Variants in CDH13 observed in about 807,000 individuals in gnomAD.
CDH13 encodes cadherin 13.
In CDH13, 24 loss-of-function variants were observed where a neutral mutation model predicts 63.8. The observed-to-expected ratio is 0.38, with a 90% CI of 0.27 to 0.53. The LOEUF (loss-of-function observed/expected upper bound fraction) is 0.53, where lower values mean the gene tolerates loss of function less well. CDH13 is among the 20% of genes least tolerant of loss of function. CDH13 has a pLI of 0.85. For synonymous variants in CDH13, 503 were observed against 355.3 expected, an observed-to-expected ratio of 1.42 and a Z score of -4.67; for missense variants, 1,049 against 903.1, an observed-to-expected ratio of 1.16 and a Z score of -2.07.
intron 4 of CDH13, among the ~76,000 whole-genome samples, chr16:83,198,199 A>G (rs185953063): frequency 9.3e-5 from 14 of 150,226 alleles, no homozygotes; most frequent in Admixed American, 2.0e-4. Flanking sequence ...ACCTGGTTTT[A>G]AAAAAAAAAT....
intron 1 of CDH13, among the ~76,000 whole-genome samples, chr16:82,784,181 T>C (rs1199367056): frequency 6.6e-6 from 1 of 152,218 alleles, no homozygotes; most frequent in African/African-American, 2.4e-5. Flanking sequence ...CTAGTGGGTG[T>C]TTCTTCTATG....
chr16:83,130,964 C>A (rs934620475), intron 4 of CDH13, among the ~76,000 whole-genome samples: 2 of 152,184 alleles, frequency 1.3e-5, no homozygotes, highest in African/African-American at 4.8e-5. Context: ...TGAATACCCA[C>A]AGCAGGGTTA....
chr16:82,692,878 C>T (rs1035401313), intron 1 of CDH13, among the ~76,000 whole-genome samples: 11 of 152,200 alleles, frequency 7.2e-5, no homozygotes, highest in African/African-American at 2.2e-4. Context: ...CTGGTCTTCA[C>T]GGCCTCAGGT....
intron 1 of CDH13, among the ~76,000 whole-genome samples, chr16:82,730,823 C>T (rs1282592603): frequency 6.6e-6 from 1 of 152,020 alleles, no homozygotes; most frequent in Non-Finnish European, 1.5e-5. Flanking sequence ...TCAGTCCAGC[C>T]CAGATTTGTT....
intron 8 of CDH13, among the ~76,000 whole-genome samples, chr16:83,651,514 C>G (rs1356290407): frequency 6.7e-6 from 1 of 150,372 alleles, no homozygotes; most frequent in African/African-American, 2.4e-5. Context: ...TGCCAAAAGT[C>G]ACAAAGATAA....
At chr16:83,310,003 C>T (rs571365494) in intron 5 of CDH13, among the ~76,000 whole-genome samples, 7 of 152,224 alleles carry the variant, frequency 4.6e-5, no homozygotes, top group African/African-American at 1.7e-4. Context: ...TACAAAAGTT[C>T]CGCACAATAT....
intron 1 of CDH13, among the ~76,000 whole-genome samples, chr16:82,646,637 G>C (rs80339467): frequency 0.12 from 18,040 of 152,166 alleles, 1,111 homozygotes; most frequent in African/African-American, 0.14. Context: ...TCTATGAAGT[G>C]TGGGTTGTGA....
intron 1 of CDH13, among the ~76,000 whole-genome samples, chr16:82,669,438 C>G (rs552538740): frequency 2.0e-5 from 3 of 152,278 alleles, no homozygotes; most frequent in African/African-American, 7.2e-5. Flanking sequence ...TTAGGACTTA[C>G]CCATTGAGCC....
chr16:83,091,688 A>C (rs2033920209), intron 3 of CDH13, among the ~76,000 whole-genome samples: 1 of 152,250 alleles, frequency 6.6e-6, no homozygotes, highest in Non-Finnish European at 1.5e-5. Context: ...ATAAGGTTAT[A>C]GTGAAAAATA....
rs529972884 is a variant in CDH13 at position 83,790,358 on chromosome 16, A to C, written c.2135-4665A>C. 9.2e-4 allele frequency among the ~76,000 whole-genome samples: 140 copies of C among 152,314 alleles called. 1 individual carries two copies. Among genetic ancestry groups the C allele is most frequent in the African/African-American group, 3.1e-3 (127 of 41,566 alleles). On this transcript the variant is annotated intron_variant, in intron 13 of 13. Transcript: ENST00000567109. ...AAAACTACTGATATTGAAAGTAATA[A>C]AAAATGAAAATGAAATGATTTTTAC...
At chr16:82,686,899 G>T (rs1222262070) in intron 1 of CDH13, among the ~76,000 whole-genome samples, 2 of 152,156 alleles carry the variant, frequency 1.3e-5, no homozygotes, top group Non-Finnish European at 2.9e-5. Context: ...ATTCTTCCTT[G>T]GATCTCTCTT....
At chr16:83,115,008 C>G (rs1285687100) in intron 3 of CDH13, among the ~76,000 whole-genome samples, 3 of 152,160 alleles carry the variant, frequency 2.0e-5, no homozygotes, top group African/African-American at 7.2e-5. Flanking sequence ...ATAGGTAGCT[C>G]CTTTTAGCCA....
At chr16:83,702,477 C>G (rs1598515470) in intron 10 of CDH13, among the ~76,000 whole-genome samples, 1 of 152,052 alleles carries the variant, frequency 6.6e-6, no homozygotes, top group Non-Finnish European at 1.5e-5. Flanking sequence ...AAAGAGAGAG[C>G]AAGGAGGGTC....
intron 8 of CDH13, among the ~76,000 whole-genome samples, chr16:83,644,521 A>G (rs772428323): frequency 6.6e-6 from 1 of 152,254 alleles, no homozygotes; most frequent in Non-Finnish European, 1.5e-5. Context: ...TGAGCACTTT[A>G]CATTGCAGTT....
chr16:83,130,179 A>C (rs192517724), intron 4 of CDH13, among the ~76,000 whole-genome samples: 1 of 152,262 alleles, frequency 6.6e-6, no homozygotes, highest in Non-Finnish European at 1.5e-5. Flanking sequence ...TTATTTGTCC[A>C]GCACTGTGCT....
intron 10 of CDH13, among the ~76,000 whole-genome samples, chr16:83,687,413 C>T (rs751302173): frequency 2.0e-5 from 3 of 152,102 alleles, no homozygotes; most frequent in Non-Finnish European, 4.4e-5. Flanking sequence ...AAACAGGGAG[C>T]CAGCACTTCA....
At chr16:83,000,010 T>A (rs1035508023) in intron 2 of CDH13, among the ~76,000 whole-genome samples, 1 of 151,978 alleles carries the variant, frequency 6.6e-6, no homozygotes, top group Admixed American at 6.6e-5. Context: ...TTGCAATGCT[T>A]AAGACATCCA....
intron 1 of CDH13, among the ~76,000 whole-genome samples, chr16:82,740,766 C>A (rs1186441161): frequency 6.6e-6 from 1 of 152,208 alleles, no homozygotes; most frequent in African/African-American, 2.4e-5. Context: ...GGTGCTCAGT[C>A]ACTTCCACCC....
At chr16:83,645,730 G>T (rs997875963) in intron 8 of CDH13, among the ~76,000 whole-genome samples, 2 of 151,728 alleles carry the variant, frequency 1.3e-5, no homozygotes, top group African/African-American at 4.8e-5. Flanking sequence ...GCCCCTGCAG[G>T]TGGCCCGTTC....
Sources: gnomAD v4.1 joint callset for allele counts (sites outside exome capture counted in the v4.1 genomes callset) on GRCh38, gnomAD v4.1.1 for gene constraint, MANE v1.5 for transcripts, NCBI Gene and HGNC (gene_info 2026-07-23, HGNC 2026-07-21) for gene names.